Variants in GRID2 observed in about 807,000 individuals in gnomAD.
GRID2 encodes the protein glutamate receptor ionotropic, delta-2.
GRID2 carries 33 observed loss-of-function variants against 114.8 expected under a neutral mutation model. The observed-to-expected ratio is 0.29, with a 90% CI of 0.22 to 0.38. The LOEUF (loss-of-function observed/expected upper bound fraction) is 0.38. Among genes scored for constraint, GRID2 ranks in the 10% least tolerant of loss-of-function variants. GRID2 has a pLI of 1.00. For missense variants in GRID2, 1,184 were observed against 1,257.7 expected (o/e 0.94, Z 0.89); for synonymous variants, 505 against 449.9 (o/e 1.12, Z -1.55).
intron 2 of GRID2, among the ~76,000 whole-genome samples, chr4:93,057,356 A>G (rs746242692): frequency 6.6e-6 from 1 of 151,966 alleles, no homozygotes; most frequent in Non-Finnish European, 1.5e-5. Context: ...CTACAGTCAC[A>G]TAAAATGTAA....
rs936821999 is a variant in GRID2, at chr4:92,904,514, T to C, written c.245-180481T>C. ...TGCCACAAAAGAGTACATAAGCATT[T>C]AGCAGCCAGAGCATGAAGCCCATAG... On this transcript the variant is annotated intron_variant, in intron 2 of 15. Transcript: ENST00000282020. 2.0e-5 allele frequency among the ~76,000 whole-genome samples: 3 copies of C among 152,048 alleles called. No individual in the cohort carries two copies. In the South Asian group the frequency reaches 6.2e-4, roughly 31 times the overall value.
intron 1 of GRID2, among the ~76,000 whole-genome samples, chr4:92,568,608 C>T (rs575164726): frequency 6.6e-6 from 1 of 151,998 alleles, no homozygotes; most frequent in South Asian, 2.1e-4. Flanking sequence ...GGTACATGTG[C>T]AGGTTTGTTA....
At chr4:93,287,163 A>G (rs568788785) in intron 8 of GRID2, among the ~76,000 whole-genome samples, 2 of 152,306 alleles carry the variant, frequency 1.3e-5, no homozygotes, top group South Asian at 4.1e-4. Flanking sequence ...CAAGTAATTG[A>G]TTAAGTTGAT....
At chr4:92,750,844 T>C (rs1737418191) in intron 2 of GRID2, among the ~76,000 whole-genome samples, 1 of 152,210 alleles carries the variant, frequency 6.6e-6, no homozygotes, top group Non-Finnish European at 1.5e-5. Flanking sequence ...TACTTGAAAA[T>C]ATATACATAC....
At chr4:93,252,776 C>A (rs781777906) in intron 8 of GRID2, among the ~76,000 whole-genome samples, 24 of 152,064 alleles carry the variant, frequency 1.6e-4, no homozygotes, top group African/African-American at 5.3e-4. Flanking sequence ...TTGTAGAGAT[C>A]GTTCACTTCC....
At chr4:93,727,561 G>C (rs1480972905) in intron 14 of GRID2, among the ~76,000 whole-genome samples, 1 of 152,144 alleles carries the variant, frequency 6.6e-6, no homozygotes, top group Non-Finnish European at 1.5e-5. Context: ...AGAAGGAGTG[G>C]TACCAGTTCC....
chr4:92,593,107 A>C (rs189264179), intron 2 of GRID2, among the ~76,000 whole-genome samples: 1 of 152,184 alleles, frequency 6.6e-6, no homozygotes, highest in East Asian at 1.9e-4. Flanking sequence ...GTGATTGCTT[A>C]TATATTAGCA....
rs562392583 is a variant in GRID2, at chr4:92,651,698, A to T, written c.244+61412A>T. Reference sequence around the variant, plus strand: ...GCCAAATCATTGGCTACAGCCCATGAATTGATATATAATCACACATCTGGC... The same window carrying T: ...GCCAAATCATTGGCTACAGCCCATGTATTGATATATAATCACACATCTGGC... On this transcript the variant is annotated intron_variant, in intron 2 of 15. Coordinates refer to ENST00000282020, the MANE Select transcript of GRID2 (RefSeq NM_001510.4). Among the ~76,000 whole-genome samples, 4 of 152,222 alleles carry T rather than the reference A, an allele frequency of 2.6e-5. No individual in the cohort carries two copies. In the East Asian group the frequency reaches 5.8e-4, roughly 22 times the overall value.
At chr4:93,580,435 C>T (rs1246004420) in intron 13 of GRID2, among the ~76,000 whole-genome samples, 1 of 152,192 alleles carries the variant, frequency 6.6e-6, no homozygotes, top group Admixed American at 6.5e-5. Flanking sequence ...CGAGAAAGAA[C>T]TCCTGTGTTT....
chr4:93,083,357 A>G (rs1730044254), intron 2 of GRID2, among the ~76,000 whole-genome samples: 1 of 152,126 alleles, frequency 6.6e-6, no homozygotes, highest in Admixed American at 6.6e-5. Context: ...ACTAGAACAT[A>G]TGATTTTTGC....
chr4:93,083,486 G>A (rs1730056841), intron 2 of GRID2, among the ~76,000 whole-genome samples: 2 of 151,888 alleles, frequency 1.3e-5, no homozygotes, highest in South Asian at 2.1e-4. Context: ...AACATCAGGA[G>A]TTCCAGACCA....
chr4:93,377,235 TTTA>T (rs1763462363), intron 8 of GRID2, among the ~76,000 whole-genome samples: 1 of 152,184 alleles, frequency 6.6e-6, no homozygotes, highest in South Asian at 2.1e-4. Flanking sequence ...TTTTATTCTA[TTTA>T]TATATTTGAA....
intron 8 of GRID2, among the ~76,000 whole-genome samples, chr4:93,275,225 G>A (rs1202781032): frequency 6.6e-6 from 1 of 151,816 alleles, no homozygotes; most frequent in African/African-American, 2.4e-5. Flanking sequence ...ATTTACCACT[G>A]TTGTAGCTTG....
At chr4:92,921,826 C>G (rs1749367479) in intron 2 of GRID2, among the ~76,000 whole-genome samples, 2 of 152,340 alleles carry the variant, frequency 1.3e-5, no homozygotes, top group African/African-American at 4.8e-5. Context: ...TCTGTCTGTT[C>G]TCAGATCTCC....
At chr4:92,988,576 T>C (rs12498874) in intron 2 of GRID2, among the ~76,000 whole-genome samples, 1 of 152,130 alleles carries the variant, frequency 6.6e-6, no homozygotes, top group African/African-American at 2.4e-5. Flanking sequence ...GAATCAGAGA[T>C]CATTGGGGAC....
intron 4 of GRID2, among the ~76,000 whole-genome samples, chr4:93,131,469 T>A (rs1196910286): frequency 1.3e-5 from 2 of 151,990 alleles, no homozygotes; most frequent in Admixed American, 6.6e-5. Context: ...ACAACATTTT[T>A]AAAATCCAGT....
intron 2 of GRID2, among the ~76,000 whole-genome samples, chr4:92,932,798 AG>A (rs1355667827): frequency 6.6e-6 from 1 of 151,382 alleles, no homozygotes. Context: ...GAGCTAAAAA[AG>A]TCAGATATAA....
intron 1 of GRID2, among the ~76,000 whole-genome samples, chr4:92,586,729 A>AT (rs1255047061): frequency 2.0e-5 from 3 of 151,858 alleles, no homozygotes; most frequent in Non-Finnish European, 2.9e-5. Context: ...TAAATTTGGT[A>AT]TTTTTTTCAT....
chr4:92,731,174 T>C (rs901164962), intron 2 of GRID2, among the ~76,000 whole-genome samples: 1 of 151,908 alleles, frequency 6.6e-6, no homozygotes, highest in South Asian at 2.1e-4. Context: ...TTCATCATTA[T>C]AGAATTTAGA....
Sources: gnomAD v4.1 joint callset for allele counts (sites outside exome capture counted in the v4.1 genomes callset) on GRCh38, gnomAD v4.1.1 for gene constraint, MANE v1.5 for transcripts, NCBI Gene and HGNC (gene_info 2026-07-23, HGNC 2026-07-21) for gene names.